Variants in LDHAL6A observed in about 807,000 individuals in gnomAD.
The protein encoded by LDHAL6A is L-lactate dehydrogenase A-like 6A.
Under a neutral mutation model 28.2 loss-of-function variants are expected in LDHAL6A, and 19 were observed. The ratio of observed to expected loss-of-function variants is 0.67; its 90% CI spans 0.47 to 0.99. LDHAL6A has a LOEUF of 0.99. LDHAL6A is among the 50% of genes least tolerant of loss of function. The pLI, the probability that LDHAL6A is intolerant of heterozygous loss-of-function variation, is 0.00. For missense variants in LDHAL6A, 372 were observed against 398.6 expected, an observed-to-expected ratio of 0.93 and a Z score of 0.57; for synonymous variants, 144 against 134.4, an observed-to-expected ratio of 1.07 and a Z score of -0.49.
At position 18,456,779 on chromosome 11, in the gene LDHAL6A, G is replaced by A; in HGVS notation, c.99G>A (p.Val33=). ...ISIVGTGSVG[V]ACAISILLKG... ...TTGTAGGAACTGGATCGGTTGGTGT[G>A]GCTTGTGCTATCAGCATCTTATTAA... Residue 33 remains valine (V), a synonymous_variant, in exon 1 of 7, where the codon GTG becomes GTA. Transcript: ENST00000280706. 2 of 1,613,612 alleles carry A rather than the reference G, an allele frequency of 1.2e-6. No homozygotes were observed. Among genetic ancestry groups the A allele is most frequent in the Non-Finnish European group, 1.7e-6 (2 of 1,179,914 alleles).
rs1284489571 is a variant in LDHAL6A, at chr11:18,479,041, A to G, written c.*171A>G. The G allele has an allele frequency of 3.7e-6, 2 of 535,636 alleles. No individual in the cohort carries two copies. Among genetic ancestry groups the G allele is most frequent in the African/African-American group, 3.9e-5 (2 of 50,982 alleles). The allele number at this position is 535,636 out of a possible 1,614,324, so 33.2% of individuals were successfully genotyped here. On this transcript the variant is annotated 3_prime_UTR_variant, in exon 7 of 7. Coordinates refer to ENST00000280706, the MANE Select transcript of LDHAL6A (RefSeq NM_144972.5). ...TTTTTTTCTTTTTTGGGAGGGTCTC[A>G]TTCTGTCACCCAGGCTGGAGTGCAG...
In LDHAL6A at chr11:18,465,764, T is replaced by C. The variant is rs550597484; in HGVS notation, c.372T>C (p.Ile124=). Residue 124 remains isoleucine, a synonymous_variant, in exon 3 of 7, where the codon ATT becomes ATC. Coordinates refer to ENST00000280706, the MANE Select transcript of LDHAL6A (RefSeq NM_144972.5). The part of the protein sequence containing the change: ...VSIFKLMIPN[I]TQYSPHCKLL... ...TCTTTAAATTAATGATTCCCAATAT[T>C]ACCCAGTACAGTCCTCACTGCAAAC... 15 of 1,613,862 alleles carry C rather than the reference T, an allele frequency of 9.3e-6. No homozygotes were observed. The East Asian group carries it at 1.3e-4, about 14-fold the overall frequency.
At chr11:18,462,377 C>CAT (rs1848936593) in intron 1 of LDHAL6A, among the ~76,000 whole-genome samples, 1 of 151,956 alleles carries the variant, frequency 6.6e-6, no homozygotes, top group Non-Finnish European at 1.5e-5. Flanking sequence ...GTGTCTCATG[C>CAT]CTGTAATCCC....
intron 1 of LDHAL6A, among the ~76,000 whole-genome samples, chr11:18,461,423 G>C (rs954794888): frequency 6.6e-6 from 1 of 152,098 alleles, no homozygotes; most frequent in Non-Finnish European, 1.5e-5. Flanking sequence ...GATTATAGGC[G>C]TGAGCCACCA....
At chr11:18,458,869 A>G (rs1442787040) in intron 1 of LDHAL6A, among the ~76,000 whole-genome samples, 1 of 152,242 alleles carries the variant, frequency 6.6e-6, no homozygotes, top group African/African-American at 2.4e-5. Context: ...TTGCTAAAAG[A>G]TGCCCATTAA....
At chr11:18,466,456 T>G (rs2698570) in intron 3 of LDHAL6A, among the ~76,000 whole-genome samples, 2 of 151,960 alleles carry the variant, frequency 1.3e-5, no homozygotes, top group African/African-American at 4.8e-5. Context: ...AGTTTGAGAA[T>G]GGCCTGGGCA....
At chr11:18,468,536 C>G (rs1849180865) in intron 3 of LDHAL6A, 1 of 152,106 alleles carries the variant, frequency 6.6e-6, no homozygotes, top group South Asian at 2.1e-4. Context: ...GACGGGGTTT[C>G]TCCATGTTGG....
In LDHAL6A at chr11:18,462,594, G is replaced by A. The variant is rs549952483; in HGVS notation, c.127-1367G>A. ...GGAGCTTGCAGTGAGCCGAGATCACGCCACTGCACTCCAGCCTGGGCAACA... is the reference window on the plus strand; with the variant it reads ...GGAGCTTGCAGTGAGCCGAGATCACACCACTGCACTCCAGCCTGGGCAACA... On this transcript the variant is annotated intron_variant, in intron 1 of 6. Coordinates refer to ENST00000280706, the MANE Select transcript of LDHAL6A (RefSeq NM_144972.5). Among the ~76,000 whole-genome samples the A allele has an allele frequency of 7.0e-4, 102 of 146,126 alleles. 2 individuals carry two copies. Among genetic ancestry groups the A allele is most frequent in the African/African-American group, 1.9e-3 (76 of 39,096 alleles).
intron 3 of LDHAL6A, among the ~76,000 whole-genome samples, chr11:18,471,777 A>AC (rs1436459548): frequency 1.3e-5 from 2 of 151,342 alleles, no homozygotes; most frequent in African/African-American, 4.8e-5. Context: ...AAAAAAAAAA[A>AC]AAAAATTTTT....
Position 18,468,038 on chromosome 11 carries a change from C to CGT in LDHAL6A, c.418+2228_418+2229insGT, listed in dbSNP as rs1554967511. Among the ~76,000 whole-genome samples, 11 of 46,084 alleles carry CGT rather than the reference C, an allele frequency of 2.4e-4. 3 individuals carry two copies. Among genetic ancestry groups the CGT allele is most frequent in the African/African-American group, 1.3e-3 (11 of 8,294 alleles). The allele number at this position is 46,084 out of a possible 152,430, so 30.2% of individuals were successfully genotyped here. A position where few individuals can be genotyped will look rare whatever the true frequency, so the allele number is the denominator to read the frequency against. On this transcript the variant is annotated intron_variant, in intron 3 of 6. Coordinates refer to ENST00000280706, the MANE Select transcript of LDHAL6A (RefSeq NM_144972.5). ...ACATATATATACGTATATATATATA[C>CGT]ATATATATACGTATATATATATACA...
intron 5 of LDHAL6A, chr11:18,476,763 A>C (rs1306861663): frequency 4.3e-6 from 1 of 230,194 alleles, no homozygotes; most frequent in East Asian, 1.8e-4. Flanking sequence ...GTATTTTTTC[A>C]AACACTTGCT....
chr11:18,477,872 C>A, intron 6 of LDHAL6A, 129 bp downstream of exon 6: 1 of 784,188 alleles, frequency 1.3e-6, no homozygotes, highest in Non-Finnish European at 1.9e-6. Flanking sequence ...CTGTTCTTTG[C>A]TGCTGAAGAG....
intron 3 of LDHAL6A, among the ~76,000 whole-genome samples, chr11:18,473,378 A>AAGGT (rs903956463): frequency 2.0e-5 from 3 of 150,528 alleles, no homozygotes; most frequent in Non-Finnish European, 3.0e-5. Context: ...TTGATAGATG[A>AAGGT]AGGTAGGTAG....
At chr11:18,463,863 C>A in intron 1 of LDHAL6A, 98 bp from the exon 2 acceptor site, 1 of 730,814 alleles carries the variant, frequency 1.4e-6, no homozygotes, top group South Asian at 1.7e-5. Flanking sequence ...TTTGATAATT[C>A]ACAAGCTAGA....
chr11:18,469,907 G>T (rs958846967), intron 3 of LDHAL6A, among the ~76,000 whole-genome samples: 2 of 152,118 alleles, frequency 1.3e-5, no homozygotes, highest in African/African-American at 4.8e-5. Context: ...ACTCAGGAAA[G>T]ATTTTTTCCC....
rs1414953159 is a variant in LDHAL6A, at chr11:18,468,091, G to T, written c.418+2281G>T. Among the ~76,000 whole-genome samples the T allele has an allele frequency of 3.1e-5, 4 of 127,954 alleles. 1 individual carries two copies. The highest frequency in any genetic ancestry group is 6.4e-5 in the Non-Finnish European group (4 of 62,380). 83.9% of individuals were successfully genotyped at this position (127,954 alleles called of 152,430 possible). A position where few individuals can be genotyped will look rare whatever the true frequency, so the allele number is the denominator to read the frequency against. The stretch of plus-strand genomic sequence containing the variant: ...TATATATATATATTTTGCTTGTCTG[G>T]ATCTTTAGCATTTCCATATGAATTT... On this transcript the variant is annotated intron_variant, in intron 3 of 6. Transcript: ENST00000280706.
At chr11:18,457,567 A>G (rs1848790218) in intron 1 of LDHAL6A, among the ~76,000 whole-genome samples, 1 of 152,184 alleles carries the variant, frequency 6.6e-6, no homozygotes, top group Non-Finnish European at 1.5e-5. Context: ...CACTAAGGAC[A>G]GCAGCCACAG....
At chr11:18,457,950 A>G (rs958980727) in intron 1 of LDHAL6A, among the ~76,000 whole-genome samples, 5 of 152,248 alleles carry the variant, frequency 3.3e-5, no homozygotes, top group African/African-American at 1.2e-4. Flanking sequence ...AAAAAGGAAT[A>G]GACTATCTCT....
intron 4 of LDHAL6A, 54 bp from the exon 5 acceptor site, chr11:18,476,330 C>A: frequency 6.4e-7 from 1 of 1,559,646 alleles, no homozygotes; most frequent in South Asian, 1.2e-5. Flanking sequence ...GGTCAAAAAC[C>A]AAAACCCTGC....
Sources: gnomAD v4.1 joint callset for allele counts (sites outside exome capture counted in the v4.1 genomes callset) on GRCh38, gnomAD v4.1.1 for gene constraint, MANE v1.5 for transcripts, NCBI Gene and HGNC (gene_info 2026-07-23, HGNC 2026-07-21) for gene names.